Variants in AKAP13 observed in about 807,000 individuals in gnomAD.
AKAP13 encodes the protein A-kinase anchor protein 13.
A neutral mutation model predicts 264.5 loss-of-function variants in AKAP13; 80 were observed. That is an observed-to-expected ratio of 0.30 (90% CI 0.25 to 0.36). The LOEUF (loss-of-function observed/expected upper bound fraction) is 0.36, where lower values mean the gene tolerates loss of function less well. Ranked by LOEUF, AKAP13 falls within the 10% of genes least tolerant of loss-of-function variation. AKAP13 has a pLI of 1.00. For synonymous variants in AKAP13, 1,380 were observed against 1,250.2 expected, an observed-to-expected ratio of 1.10 and a Z score of -2.19; for missense variants, 3,712 against 3,435.2, an observed-to-expected ratio of 1.08 and a Z score of -2.01.
rs375640248 is a variant in AKAP13 at position 85,693,335 on chromosome 15, A to G, written c.5348A>G (p.Glu1783Gly). The G allele has an allele frequency of 6.2e-7, 1 of 1,612,934 alleles. No homozygotes were observed. The highest frequency in any genetic ancestry group is 1.3e-5 in the African/African-American group (1 of 74,820). The change falls in exon 17 of 37, where the codon GAG becomes GGG. Residue 1783 changes from glutamate (E) to glycine (G), a missense_variant. Transcript: ENST00000394518. Reference protein sequence around the residue: ...KEKEKDSKDKEKDKKTVNGHT... With the variant: ...KEKEKDSKDKGKDKKTVNGHT... ...AAGGAGAAAGATTCTAAAGACAAGG[A>G]GAAAGATAAGAAGACTGTCAACGGG...
At chr15:85,415,108 T>C in intron 1 of AKAP13, 1 of 629,442 alleles carries the variant, frequency 1.6e-6, no homozygotes, top group Middle Eastern at 4.3e-4. Flanking sequence ...TTTTCTATAA[T>C]TAGTAACAGC....
At chr15:85,500,362 A>G (rs1292076695) in intron 2 of AKAP13, among the ~76,000 whole-genome samples, 4 of 152,150 alleles carry the variant, frequency 2.6e-5, no homozygotes, top group Non-Finnish European at 4.4e-5. Flanking sequence ...GGTCTGACAA[A>G]CCTATGAATT....
intron 10 of AKAP13, among the ~76,000 whole-genome samples, chr15:85,654,829 G>A (rs1156342155): frequency 6.7e-6 from 1 of 149,954 alleles, no homozygotes; most frequent in African/African-American, 2.5e-5. Flanking sequence ...GTCTCAAATT[G>A]GAAAAAAAAG....
intron 1 of AKAP13, among the ~76,000 whole-genome samples, chr15:85,396,616 A>G (rs770870241): frequency 1.1e-4 from 16 of 152,148 alleles, no homozygotes; most frequent in Non-Finnish European, 2.1e-4. Flanking sequence ...TGATTTTTAA[A>G]TGGTATTTTT....
rs573720544 is a variant in AKAP13, at chr15:85,741,078, G to A, written c.7641G>A (p.Glu2547=). The A allele has an allele frequency of 1.2e-6, 2 of 1,613,038 alleles. No individual in the cohort carries two copies. The highest frequency in any genetic ancestry group is 1.3e-5 in the African/African-American group (1 of 75,026). ...GVVLQQDSYI[E]DQKLVLSERA... is the part of the protein sequence containing the mutation. The stretch of plus-strand genomic sequence containing the variant: ...TGCTGCAGCAGGACAGCTACATTGA[G>A]GACCAGAAACTGGTGCTGAGCGAGA... The change falls in exon 35 of 37, where the codon GAG becomes GAA. Residue 2547 remains glutamate, a synonymous_variant. Coordinates refer to ENST00000394518, the MANE Select transcript of AKAP13 (RefSeq NM_007200.5).
chr15:85,585,616 C>T, intron 7 of AKAP13, 86 bp from the exon 8 acceptor site: 2 of 1,568,732 alleles, frequency 1.3e-6, no homozygotes, highest in South Asian at 2.3e-5. Context: ...AAACAAAACA[C>T]ATGAAACCTG....
At chr15:85,575,885 C>T (rs757075529) in intron 6 of AKAP13, among the ~76,000 whole-genome samples, 2 of 152,182 alleles carry the variant, frequency 1.3e-5, no homozygotes, top group South Asian at 2.1e-4. Flanking sequence ...ACTTGGGGGT[C>T]TGAGGCAGGC....
At chr15:85,730,822 C>A in intron 30 of AKAP13, 115 bp downstream of exon 30, 2 of 899,520 alleles carry the variant, frequency 2.2e-6, no homozygotes, top group Non-Finnish European at 1.6e-6. Flanking sequence ...GAAAATTACC[C>A]AAAACAAATA....
chr15:85,531,262 T>C (rs1486946070), intron 3 of AKAP13, among the ~76,000 whole-genome samples: 2 of 152,186 alleles, frequency 1.3e-5, no homozygotes. Flanking sequence ...TTTAGATATT[T>C]AGGTATTTTA....
chr15:85,569,451 C>CT (rs71468120), intron 5 of AKAP13, among the ~76,000 whole-genome samples: 20,473 of 121,716 alleles, frequency 0.17, 2,028 homozygotes, highest in Non-Finnish European at 0.23. Context: ...TTTTTCTTTT[C>CT]TTTTTTTTTT....
intron 1 of AKAP13, among the ~76,000 whole-genome samples, chr15:85,471,617 A>G (rs943114629): frequency 6.6e-6 from 1 of 152,240 alleles, no homozygotes; most frequent in Non-Finnish European, 1.5e-5. Flanking sequence ...CGTAACCACC[A>G]CCACAATCAG....
Position 85,645,906 on chromosome 15 carries a change from C to A in AKAP13, c.4326C>A (p.Asp1442Glu). Reference protein sequence around the residue: ...VLKRESGSDSDLFHSPSDDMD... With the variant: ...VLKRESGSDSELFHSPSDDMD... ...AAAGAGAATCTGGGAGTGATTCTGA[C>A]CTCTTTCACTCACCCAGTGATGACA... The change falls in exon 10 of 37, where the codon GAC becomes GAA. Residue 1442 changes from aspartate to glutamate, a missense_variant. Physicochemically the swap from Asp to Glu is conservative, Grantham distance 45. Coordinates refer to ENST00000394518, the MANE Select transcript of AKAP13 (RefSeq NM_007200.5). 6.2e-7 allele frequency: 1 copy of A among 1,613,482 alleles called. No individual in the cohort carries two copies. The highest frequency in any genetic ancestry group is 1.1e-5 in the South Asian group (1 of 91,080).
chr15:85,407,848 G>C (rs1165945028), intron 1 of AKAP13, among the ~76,000 whole-genome samples: 1 of 151,752 alleles, frequency 6.6e-6, no homozygotes, highest in African/African-American at 2.4e-5. Flanking sequence ...GAGGATAGTG[G>C]CTTGGCAGAG....
At chr15:85,435,212 A>G (rs1168048042) in intron 1 of AKAP13, among the ~76,000 whole-genome samples, 1 of 149,954 alleles carries the variant, frequency 6.7e-6, no homozygotes, top group Non-Finnish European at 1.5e-5. Flanking sequence ...ACTGGAAGAA[A>G]GGGTATCAGC....
chr15:85,579,731 T>C lies in AKAP13; in HGVS notation c.1663T>C (p.Phe555Leu). 1 of 1,614,246 alleles carries C rather than the reference T, an allele frequency of 6.2e-7. No homozygotes were observed. Residue 555 changes from phenylalanine to leucine, a missense_variant, in exon 7 of 37, where the codon TTT becomes CTT. Around this residue, in one of 3 missense-constraint regions of AKAP13, gnomAD observed 2,759 missense variants for 2,411.7 expected, o/e 1.14. Coordinates refer to ENST00000394518, the MANE Select transcript of AKAP13 (RefSeq NM_007200.5). ...CAAACCTGCTGAGTCTTCACTTGCA[T>C]TTAGTAATGAAGAAACCTCCACTGA... ...GNKPAESSLA[F>L]SNEETSTEKT...
rs35129066 is a variant in AKAP13, at chr15:85,566,626, C to CTT, written c.663-8487_663-8486dup. Among the ~76,000 whole-genome samples the CTT allele has an allele frequency of 5.5e-3, 744 of 135,278 alleles. 4 individuals are homozygous for CTT. Among genetic ancestry groups the CTT allele is most frequent in the Admixed American group, 0.012 (159 of 13,464 alleles). The allele number at this position is 135,278 out of a possible 152,430, so 88.7% of individuals were successfully genotyped here. On this transcript the variant is annotated intron_variant, in intron 5 of 36. Coordinates refer to ENST00000394518, the MANE Select transcript of AKAP13 (RefSeq NM_007200.5). Reference sequence around the variant, plus strand: ...TAATTAGAAAAAAGAAAATAACTTACTTTTTTTTTTTTTTTTTTTAAATGG... The same window carrying CTT: ...TAATTAGAAAAAAGAAAATAACTTACTTTTTTTTTTTTTTTTTTTTTAAATGG...
intron 13 of AKAP13, among the ~76,000 whole-genome samples, chr15:85,665,526 T>C (rs901262824): frequency 6.6e-6 from 1 of 152,248 alleles, no homozygotes; most frequent in Non-Finnish European, 1.5e-5. Flanking sequence ...AATTCTTTTT[T>C]TAAAAAATTA....
chr15:85,730,289 A>T (rs925942646), intron 29 of AKAP13, among the ~76,000 whole-genome samples: 5 of 152,216 alleles, frequency 3.3e-5, no homozygotes, highest in Non-Finnish European at 7.3e-5. Flanking sequence ...GTTATGTCAC[A>T]ATTTCCATGG....
intron 8 of AKAP13, among the ~76,000 whole-genome samples, chr15:85,630,014 A>T (rs894033546): frequency 6.6e-6 from 1 of 151,612 alleles, no homozygotes; most frequent in African/African-American, 2.4e-5. Context: ...TCCTGAGCTC[A>T]CAGTTGCCAA....
Sources: allele counts gnomAD v4.1 joint callset (sites outside exome capture counted in the v4.1 genomes callset), GRCh38; gene constraint gnomAD v4.1.1; regional missense constraint gnomAD v4.1.1; transcripts MANE v1.5; gene names NCBI Gene and HGNC (gene_info 2026-07-23, HGNC 2026-07-21).